USP34: variants seen among roughly 807,000 people sequenced by gnomAD.
USP34 encodes ubiquitin specific peptidase 34.
In USP34, 70 loss-of-function variants were observed where a neutral mutation model predicts 460.3. That is an observed-to-expected ratio of 0.15 (90% confidence interval 0.13 to 0.19). The LOEUF (loss-of-function observed/expected upper bound fraction) is 0.19. Ranked by LOEUF, USP34 falls within the 10% of genes least tolerant of loss-of-function variation. The pLI is 1.00. For synonymous variants in USP34, 1,647 were observed against 1,405.3 expected (o/e 1.17, Z -3.85); for missense variants, 3,985 against 4,236.2 (o/e 0.94, Z 1.65).
chr2:61,238,964 CATT>C (rs1372195047), intron 53 of USP34, among the ~76,000 whole-genome samples: 2 of 151,116 alleles, frequency 1.3e-5, no homozygotes, highest in Non-Finnish European at 2.9e-5. Context: ...ACATTTTCAT[CATT>C]ATTATATATT....
chr2:61,192,317 T>C lies in USP34; in HGVS notation c.9588+584A>G, dbSNP rs146897383. Among the ~76,000 whole-genome samples the C allele has an allele frequency of 2.6e-5, 4 of 152,256 alleles. No individual in the cohort carries two copies. In the South Asian group the frequency reaches 8.3e-4, roughly 32 times the overall value. ...AGCCAAACATTAGTACCTCCTCCTC[T>C]TCCCAATTCTGCCTTTGTAACTTAA... On this transcript the variant is annotated intron_variant, in intron 76 of 79. Coordinates refer to ENST00000398571, the MANE Select transcript of USP34 (RefSeq NM_014709.4).
chr2:61,317,694 C>G lies in USP34; in HGVS notation c.3242G>C (p.Arg1081Pro). The G allele has an allele frequency of 6.2e-7, 1 of 1,614,042 alleles. No homozygotes were observed. The highest frequency in any genetic ancestry group is 8.5e-7 in the Non-Finnish European group (1 of 1,179,994). The change falls in exon 23 of 80, where the codon CGA becomes CCA. Residue 1081 changes from arginine to proline, a missense_variant. Around this residue, in one of 14 missense-constraint regions of USP34, gnomAD observed 1,114 missense variants for 1,122.5 expected, o/e 0.99. Transcript: ENST00000398571. ...ACCATCATAGGCACTGGTAGCCAAT[C>G]GAGCCAAGTTACAGAGATGCTGAAA... ...NLFQHLCNLA[R>P]LATSAYDGCS...
intron 2 of USP34, chr2:61,417,207 T>TA (rs1016084492): frequency 1.9e-6 from 3 of 1,540,054 alleles, no homozygotes; most frequent in African/African-American, 2.7e-5. Context: ...TACACTGGGG[T>TA]AGTGCAAGGT....
At chr2:61,214,728 G>T (rs1314522417) in intron 67 of USP34, 34 bp from the exon 68 acceptor site, 3 of 1,605,742 alleles carry the variant, frequency 1.9e-6, no homozygotes, top group African/African-American at 2.7e-5. Flanking sequence ...TCAGATCCTT[G>T]TAAGATATAA....
At chr2:61,271,829 G>A (rs1477138019) in intron 41 of USP34, among the ~76,000 whole-genome samples, 1 of 152,142 alleles carries the variant, frequency 6.6e-6, no homozygotes, top group Non-Finnish European at 1.5e-5. Context: ...AATTCTGCAT[G>A]AAATTCAGTT....
At chr2:61,265,844 T>C in intron 42 of USP34, 140 bp downstream of exon 42, 1 of 879,018 alleles carries the variant, frequency 1.1e-6, no homozygotes, top group Non-Finnish European at 1.5e-6. Flanking sequence ...GTTTACTTTT[T>C]AACTTTAATA....
Position 61,394,909 on chromosome 2 carries a change from T to C in USP34, c.697A>G (p.Thr233Ala), listed in dbSNP as rs1310583432. ...SLMKDCFEYG[T>A]PETLPFLIAH... The stretch of plus-strand genomic sequence containing the variant: ...ATAAGAAATGGCAAAGTTTCAGGAG[T>C]TCCATATTCAAAGCAATCCTTCATG... Residue 233 changes from threonine to alanine, a missense_variant, in exon 5 of 80, where the codon ACT (threonine) becomes GCT (alanine). Physicochemically the swap from Thr to Ala is moderately conservative, Grantham distance 58. Coordinates refer to ENST00000398571, the MANE Select transcript of USP34 (RefSeq NM_014709.4). 7 of 1,602,138 alleles carry C rather than the reference T, an allele frequency of 4.4e-6. No homozygotes were observed. Among genetic ancestry groups the C allele is most frequent in the Non-Finnish European group, 6.0e-6 (7 of 1,175,774 alleles).
intron 21 of USP34, among the ~76,000 whole-genome samples, chr2:61,320,015 G>A (rs1055619372): frequency 6.6e-6 from 1 of 151,984 alleles, no homozygotes; most frequent in African/African-American, 2.4e-5. Context: ...TGAAATCAAG[G>A]ACTAAATGGT....
At position 61,435,832 on chromosome 2, in the gene USP34, C is replaced by T. The variant is rs372745350; in HGVS notation, c.44-14999G>A. Among the ~76,000 whole-genome samples the T allele has an allele frequency of 2.0e-5, 3 of 152,030 alleles. No homozygotes were observed. In the South Asian group the frequency reaches 6.2e-4, roughly 32 times the overall value. On this transcript the variant is annotated intron_variant, in intron 1 of 79. Transcript: ENST00000398571. ...TCACTTGAGGTCAGGAGTTCGAGAC[C>T]AGCCTGGCCAATATAGTAAAACCTC...
chr2:61,325,433 T>C lies in USP34; in HGVS notation c.2955A>G (p.Gln985=), dbSNP rs764973572. 5.8e-6 allele frequency: 9 copies of C among 1,553,552 alleles called. No individual in the cohort carries two copies. The highest frequency in any genetic ancestry group is 6.0e-6 in the Non-Finnish European group (7 of 1,159,674). The change falls in exon 21 of 80, where the codon CAA becomes CAG. Residue 985 remains glutamine (Q), a synonymous_variant. Transcript: ENST00000398571. ...CACAAGTCAAGAATTGAAGACGAAC[T>C]TGAACTTCAGCACTATGGCTGTACC... The part of the protein sequence containing the change: ...HALYSHSAEV[Q]VRLQFLTCVF...
At chr2:61,378,913 G>GAA (rs34463913) in intron 7 of USP34, among the ~76,000 whole-genome samples, 3,414 of 57,966 alleles carry the variant, frequency 0.059, 327 homozygotes, top group African/African-American at 0.16. Context: ...TCAAAAAAAC[G>GAA]AAAAAAAAAA....
Position 61,350,283 on chromosome 2 carries a change from T to C in USP34, c.1484A>G (p.Asn495Ser). The C allele has an allele frequency of 1.2e-6, 2 of 1,609,632 alleles. No individual in the cohort carries two copies. Among genetic ancestry groups the C allele is most frequent in the East Asian group, 2.2e-5 (1 of 44,766 alleles). ...QSSFASLLNTNIPIGNKKEEE... is the reference protein window; with the variant it reads ...QSSFASLLNTSIPIGNKKEEE... ...ACCTTTCTTATTTCCAATGGGAATA[T>C]TAGTATTTAATAAAGATGCAAAAGA... The change falls in exon 12 of 80, where the codon AAT becomes AGT. Residue 495 changes from asparagine (N) to serine (S), a missense_variant. Physicochemically the swap from Asn to Ser is conservative, Grantham distance 46. This residue lies in a region of USP34 where 716 missense variants were observed against 626.2 expected (regional missense o/e 1.14). Coordinates refer to ENST00000398571, the MANE Select transcript of USP34 (RefSeq NM_014709.4).
intron 3 of USP34, among the ~76,000 whole-genome samples, chr2:61,397,916 A>G (rs1158437506): frequency 6.6e-6 from 1 of 151,922 alleles, no homozygotes; most frequent in Non-Finnish European, 1.5e-5. Flanking sequence ...AAAAAAAAGA[A>G]ATTAACCAGG....
chr2:61,240,381 C>T (rs1004660868), intron 53 of USP34, among the ~76,000 whole-genome samples: 1 of 151,948 alleles, frequency 6.6e-6, no homozygotes, highest in Non-Finnish European at 1.5e-5. Flanking sequence ...CAGGTTCACG[C>T]CATTCTCCTG....
intron 1 of USP34, among the ~76,000 whole-genome samples, chr2:61,438,766 A>G (rs966399626): frequency 2.6e-5 from 4 of 152,224 alleles, no homozygotes; most frequent in Non-Finnish European, 4.4e-5. Context: ...TACCTGGACA[A>G]GGATCTCACT....
chr2:61,344,077 T>C, intron 15 of USP34, 48 bp from the exon 16 acceptor site: 1 of 1,571,556 alleles, frequency 6.4e-7, no homozygotes, highest in South Asian at 1.1e-5. Context: ...AATGTGAATC[T>C]AATTTGTGAA....
At chr2:61,224,021 T>TTA (rs1418351221) in intron 62 of USP34, among the ~76,000 whole-genome samples, 1 of 152,190 alleles carries the variant, frequency 6.6e-6, no homozygotes, top group African/African-American at 2.4e-5. Context: ...CATAGTATCT[T>TTA]TAACAGATAG....
intron 1 of USP34, among the ~76,000 whole-genome samples, chr2:61,422,085 A>G (rs773734508): frequency 6.6e-6 from 1 of 152,246 alleles, no homozygotes; most frequent in Non-Finnish European, 1.5e-5. Flanking sequence ...AGGCCCTGGA[A>G]GCCGAAGACA....
At position 61,236,359 on chromosome 2, in the gene USP34, G is replaced by C. The variant is rs752127132; in HGVS notation, c.6808C>G (p.Gln2270Glu). 1 of 1,603,630 alleles carries C rather than the reference G, an allele frequency of 6.2e-7. No homozygotes were observed. The highest frequency in any genetic ancestry group is 2.2e-5 in the East Asian group (1 of 44,560). The change falls in exon 54 of 80, where the codon CAA (glutamine) becomes GAA (glutamate). Residue 2270 changes from glutamine to glutamate, a missense_variant. By Grantham distance (29) the Gln-to-Glu change is conservative (BLOSUM62 2). Transcript: ENST00000398571. ...WIWHDNMQFL[Q>E]DKNIFEHTYF... ...GTATGTTCAAAAATGTTTTTGTCTT[G>C]AAGAAACTGCATGTTATCATGCCAA...
Sources: gnomAD v4.1 joint callset for allele counts (sites outside exome capture counted in the v4.1 genomes callset) on GRCh38, gnomAD v4.1.1 for gene constraint, gnomAD v4.1.1 regional missense constraint, MANE v1.5 for transcripts, NCBI Gene and HGNC (gene_info 2026-07-23, HGNC 2026-07-21) for gene names.